Variants in SLC24A3 observed in about 807,000 individuals in gnomAD.
The protein encoded by SLC24A3 is sodium/potassium/calcium exchanger 3.
A neutral mutation model predicts 75.8 loss-of-function variants in SLC24A3; 28 were observed. The ratio of observed to expected loss-of-function variants is 0.37; its 90% CI spans 0.27 to 0.51. The LOEUF is 0.51. SLC24A3 is among the 20% of genes least tolerant of loss of function. The pLI, the probability that SLC24A3 is intolerant of heterozygous loss-of-function variation, is 0.94. For missense variants in SLC24A3, 663 were observed against 847.8 expected (o/e 0.78, Z 2.71); for synonymous variants, 372 against 334.1 (o/e 1.11, Z -1.24).
rs545738696 is a variant in SLC24A3, at chr20:19,392,471, C to A, written c.271+111384C>A. On this transcript the variant is annotated intron_variant, in intron 2 of 16. Coordinates refer to ENST00000328041, the MANE Select transcript of SLC24A3 (RefSeq NM_020689.4). ...AAATGTTCCAGCATAGCTCCCAGGG[C>A]TGGGCCTGGATACTTCTAGCTTGGC... 3.1e-3 allele frequency among the ~76,000 whole-genome samples: 469 copies of A among 152,318 alleles called. 4 individuals carry two copies. Among genetic ancestry groups the A allele is most frequent in the Middle Eastern group, 6.8e-3 (2 of 294 alleles).
chr20:19,401,456 G>C (rs1362269534), intron 2 of SLC24A3, among the ~76,000 whole-genome samples: 1 of 152,240 alleles, frequency 6.6e-6, no homozygotes, highest in African/African-American at 2.4e-5. Flanking sequence ...AAGTAGTTCA[G>C]AGCCTCAAAT....
Position 19,712,744 on chromosome 20 carries a change from C to T in SLC24A3, c.1720-4784C>T, listed in dbSNP as rs975726895. Among the ~76,000 whole-genome samples, 6 of 152,316 alleles carry T rather than the reference C, an allele frequency of 3.9e-5. No individual in the cohort carries two copies. The South Asian group carries it at 1.2e-3, about 32-fold the overall frequency. Reference sequence around the variant, plus strand: ...ATTAATAGCCCAAAACTGGAAGTGGCCCAGATGTCCATCAACAGGAGCATA... The same window carrying T: ...ATTAATAGCCCAAAACTGGAAGTGGTCCAGATGTCCATCAACAGGAGCATA... On this transcript the variant is annotated intron_variant, in intron 15 of 16. Coordinates refer to ENST00000328041, the MANE Select transcript of SLC24A3 (RefSeq NM_020689.4).
At chr20:19,652,068 C>CT (rs2032212767) in intron 6 of SLC24A3, among the ~76,000 whole-genome samples, 2 of 152,232 alleles carry the variant, frequency 1.3e-5, no homozygotes, top group Non-Finnish European at 2.9e-5. Context: ...CTTAAACAGT[C>CT]TTTTGATTGT....
At chr20:19,267,308 T>A (rs1208462820) in intron 1 of SLC24A3, among the ~76,000 whole-genome samples, 1 of 152,176 alleles carries the variant, frequency 6.6e-6, no homozygotes, top group African/African-American at 2.4e-5. Context: ...AATAGATAAT[T>A]CCCCAAGATA....
intron 6 of SLC24A3, among the ~76,000 whole-genome samples, chr20:19,599,575 C>G (rs966439959): frequency 6.6e-6 from 1 of 152,218 alleles, no homozygotes; most frequent in African/African-American, 2.4e-5. Context: ...GCCTGGCTAC[C>G]CAGGTGCTCA....
chr20:19,510,821 C>T (rs1294995045), intron 2 of SLC24A3, among the ~76,000 whole-genome samples: 2 of 152,202 alleles, frequency 1.3e-5, no homozygotes, highest in Non-Finnish European at 1.5e-5. Context: ...GTTGGTTAAG[C>T]TCCCAAGTCT....
In SLC24A3 at chr20:19,237,939, T is replaced by A. The variant is rs970941890; in HGVS notation, c.142+24955T>A. 2.0e-5 allele frequency among the ~76,000 whole-genome samples: 3 copies of A among 152,200 alleles called. No homozygotes were observed. The East Asian group carries it at 5.8e-4, about 29-fold the overall frequency. ...GCGGCTGTAACATTTTCCTGCTGCC[T>A]TTTCTATTTTCAACCCAAATAGGAA... On this transcript the variant is annotated intron_variant, in intron 1 of 16. Coordinates refer to ENST00000328041, the MANE Select transcript of SLC24A3 (RefSeq NM_020689.4).
intron 2 of SLC24A3, among the ~76,000 whole-genome samples, chr20:19,397,794 T>C (rs551129461): frequency 1.3e-5 from 2 of 152,126 alleles, no homozygotes; most frequent in East Asian, 1.9e-4. Flanking sequence ...TTTGGAACTA[T>C]TGTTATGATG....
chr20:19,645,711 T>C (rs1170653891), intron 6 of SLC24A3, among the ~76,000 whole-genome samples: 1 of 152,034 alleles, frequency 6.6e-6, no homozygotes, highest in African/African-American at 2.4e-5. Context: ...CTATTTCAAC[T>C]AACAAGAAAC....
At chr20:19,230,472 G>A (rs1981988359) in intron 1 of SLC24A3, among the ~76,000 whole-genome samples, 1 of 152,204 alleles carries the variant, frequency 6.6e-6, no homozygotes, top group East Asian at 1.9e-4. Flanking sequence ...CTGCCACCCT[G>A]GTTTGATCCC....
intron 2 of SLC24A3, among the ~76,000 whole-genome samples, chr20:19,332,843 C>T (rs541586177): frequency 4.6e-5 from 7 of 152,304 alleles, no homozygotes; most frequent in Non-Finnish European, 1.0e-4. Flanking sequence ...TCTTCTCTGC[C>T]TCTATCCTGT....
At chr20:19,622,172 C>A (rs1050506010) in intron 6 of SLC24A3, among the ~76,000 whole-genome samples, 4 of 152,128 alleles carry the variant, frequency 2.6e-5, no homozygotes, top group African/African-American at 4.8e-5. Flanking sequence ...TGAAAGGAGA[C>A]TGGGGATGGA....
At chr20:19,385,372 C>G (rs1016735200) in intron 2 of SLC24A3, among the ~76,000 whole-genome samples, 1 of 152,142 alleles carries the variant, frequency 6.6e-6, no homozygotes, top group Non-Finnish European at 1.5e-5. Flanking sequence ...GCATGTTTCC[C>G]TAATGCCATT....
chr20:19,326,393 C>T (rs570688618), intron 2 of SLC24A3, among the ~76,000 whole-genome samples: 1 of 152,126 alleles, frequency 6.6e-6, no homozygotes, highest in African/African-American at 2.4e-5. Context: ...GAATAACAAT[C>T]CTGACTACTC....
intron 8 of SLC24A3, among the ~76,000 whole-genome samples, chr20:19,668,273 T>A (rs868311939): frequency 6.6e-6 from 1 of 152,212 alleles, no homozygotes; most frequent in African/African-American, 2.4e-5. Flanking sequence ...ATTTAATGGA[T>A]GAAAAATAAT....
At chr20:19,510,745 A>G (rs1260495183) in intron 2 of SLC24A3, among the ~76,000 whole-genome samples, 1 of 152,210 alleles carries the variant, frequency 6.6e-6, no homozygotes, top group Admixed American at 6.5e-5. Context: ...CCCTCATCAG[A>G]ACCCAACCAT....
At chr20:19,706,711 G>C (rs2032934123) in intron 15 of SLC24A3, among the ~76,000 whole-genome samples, 3 of 152,120 alleles carry the variant, frequency 2.0e-5, no homozygotes, top group South Asian at 4.1e-4. Context: ...GGGTACATGA[G>C]AAGGAGAGGT....
chr20:19,432,107 G>A (rs1173782843), intron 2 of SLC24A3, among the ~76,000 whole-genome samples: 1 of 152,052 alleles, frequency 6.6e-6, no homozygotes, highest in South Asian at 2.1e-4. Context: ...CACCACTGAG[G>A]TGACAGCAGG....
At chr20:19,550,014 A>T (rs2030665026) in intron 3 of SLC24A3, among the ~76,000 whole-genome samples, 1 of 152,200 alleles carries the variant, frequency 6.6e-6, no homozygotes, top group Non-Finnish European at 1.5e-5. Context: ...TAAAACTTCC[A>T]GATATTTTAT....
Sources: allele counts gnomAD v4.1 joint callset (sites outside exome capture counted in the v4.1 genomes callset), GRCh38; gene constraint gnomAD v4.1.1; transcripts MANE v1.5; gene names NCBI Gene and HGNC (gene_info 2026-07-23, HGNC 2026-07-21).